Variants in GPC6 observed in about 807,000 individuals in gnomAD.
GPC6 encodes the protein glypican 6.
Under a neutral mutation model 55.2 loss-of-function variants are expected in GPC6, and 14 were observed. The ratio of observed to expected loss-of-function variants is 0.25; its 90% CI spans 0.17 to 0.40. The LOEUF (loss-of-function observed/expected upper bound fraction) is 0.40, where lower values mean the gene tolerates loss of function less well. Ranked by LOEUF, GPC6 falls within the 10% of genes least tolerant of loss-of-function variation. The pLI is 1.00. For synonymous variants in GPC6, 278 were observed against 259.6 expected (o/e 1.07, Z -0.68); for missense variants, 641 against 708.5 (o/e 0.90, Z 1.08).
intron 2 of GPC6, among the ~76,000 whole-genome samples, chr13:93,695,844 G>A (rs1369752070): frequency 6.6e-6 from 1 of 151,990 alleles, no homozygotes; most frequent in Non-Finnish European, 1.5e-5. Flanking sequence ...ATTATGCTCT[G>A]CAGGTTTTGA....
rs143804490 is a variant in GPC6 at position 94,234,305 on chromosome 13, T to TA, written c.878-52043dup. Among the ~76,000 whole-genome samples the TA allele has an allele frequency of 6.8e-3, 1,043 of 152,304 alleles. 17 individuals are homozygous for TA. The highest frequency in any genetic ancestry group is 0.024 in the African/African-American group (988 of 41,574). The stretch of plus-strand genomic sequence containing the variant: ...CTCAGAAGTATTCCATGTTTACAGG[T>TA]ATAACTAAATTCATTTTTATTGTAT... On this transcript the variant is annotated intron_variant, in intron 4 of 8. Transcript: ENST00000377047.
chr13:94,023,953 A>T (rs1272781479), intron 3 of GPC6, among the ~76,000 whole-genome samples: 1 of 152,092 alleles, frequency 6.6e-6, no homozygotes, highest in Non-Finnish European at 1.5e-5. Context: ...AAAATAGATT[A>T]GTGGTTGCCA....
chr13:93,575,801 A>G (rs1001944715), intron 2 of GPC6, among the ~76,000 whole-genome samples: 4 of 152,114 alleles, frequency 2.6e-5, no homozygotes, highest in African/African-American at 7.2e-5. Context: ...TTAAAAATCA[A>G]TCAGCTTAAT....
intron 1 of GPC6, among the ~76,000 whole-genome samples, chr13:93,402,597 G>A (rs770940306): frequency 4.9e-4 from 75 of 152,230 alleles, no homozygotes; most frequent in Admixed American, 1.5e-3. Flanking sequence ...TGTCCTTAGC[G>A]CTACACCGTA....
At chr13:94,010,689 T>A (rs1232254397) in intron 3 of GPC6, among the ~76,000 whole-genome samples, 2 of 152,212 alleles carry the variant, frequency 1.3e-5, no homozygotes, top group African/African-American at 2.4e-5. Flanking sequence ...TTATATTTTT[T>A]AGTTATCTGC....
intron 2 of GPC6, among the ~76,000 whole-genome samples, chr13:93,651,188 T>A (rs1880392723): frequency 6.6e-6 from 1 of 152,186 alleles, no homozygotes; most frequent in South Asian, 2.1e-4. Flanking sequence ...TTATTAAAAT[T>A]GTTATTAAAA....
rs77570835 is a variant in GPC6 at position 93,438,650 on chromosome 13, A to T, written c.161-106613A>T. Reference sequence around the variant, plus strand: ...GGAGTTGCTTCTTAAGGATAAGTGAAGAAAACAGTTTCTTGAGATGGAATC... The same window carrying T: ...GGAGTTGCTTCTTAAGGATAAGTGATGAAAACAGTTTCTTGAGATGGAATC... On this transcript the variant is annotated intron_variant, in intron 1 of 8. Transcript: ENST00000377047. Among the ~76,000 whole-genome samples, 42 of 152,330 alleles carry T rather than the reference A, an allele frequency of 2.8e-4. No homozygotes were observed. In the East Asian group the frequency reaches 7.9e-3, roughly 29 times the overall value.
chr13:93,236,497 G>A (rs1223049897), intron 1 of GPC6, among the ~76,000 whole-genome samples: 1 of 152,142 alleles, frequency 6.6e-6, no homozygotes, highest in Non-Finnish European at 1.5e-5. Context: ...TACAGCAGGA[G>A]GTAACAGTAG....
At chr13:93,740,394 C>CAAGT (rs967975739) in intron 2 of GPC6, among the ~76,000 whole-genome samples, 1 of 152,058 alleles carries the variant, frequency 6.6e-6, no homozygotes, top group African/African-American at 2.4e-5. Flanking sequence ...ATTCCATGGA[C>CAAGT]AAGTGTTTTC....
At chr13:93,822,510 A>T (rs1456783310) in intron 2 of GPC6, among the ~76,000 whole-genome samples, 1 of 152,182 alleles carries the variant, frequency 6.6e-6, no homozygotes, top group Non-Finnish European at 1.5e-5. Flanking sequence ...CGTTTGTTAC[A>T]TAGGTATACA....
rs1157412417 is a variant in GPC6 at position 93,489,402 on chromosome 13, T to C, written c.161-55861T>C. ...TGTAGTATAGTTTAAAGACAGGTAG[T>C]GTGATGCCTCCAGCTTTGTTCTTTT... On this transcript the variant is annotated intron_variant, in intron 1 of 8. Transcript: ENST00000377047. Among the ~76,000 whole-genome samples the C allele has an allele frequency of 2.0e-5, 3 of 151,414 alleles. No individual in the cohort carries two copies. In the South Asian group the frequency reaches 6.3e-4, roughly 32 times the overall value.
At chr13:93,665,329 A>C (rs539554741) in intron 2 of GPC6, among the ~76,000 whole-genome samples, 1 of 152,328 alleles carries the variant, frequency 6.6e-6, no homozygotes, top group South Asian at 2.1e-4. Context: ...TAAATGTAAA[A>C]ATCAATTTGC....
chr13:93,302,828 C>G (rs1878728396), intron 1 of GPC6, among the ~76,000 whole-genome samples: 2 of 152,122 alleles, frequency 1.3e-5, no homozygotes, highest in South Asian at 4.2e-4. Context: ...CTTTGCCATC[C>G]CATAAATTTT....
chr13:93,335,045 T>G (rs941012414), intron 1 of GPC6, among the ~76,000 whole-genome samples: 1 of 152,204 alleles, frequency 6.6e-6, no homozygotes, highest in African/African-American at 2.4e-5. Flanking sequence ...CACAGGGCAA[T>G]GTTTCTTCCA....
intron 2 of GPC6, among the ~76,000 whole-genome samples, chr13:93,663,978 C>T (rs1594353393): frequency 6.6e-6 from 1 of 152,140 alleles, no homozygotes; most frequent in East Asian, 1.9e-4. Flanking sequence ...TGGTCTTTTT[C>T]CAGATCTGTG....
Position 94,262,591 on chromosome 13 carries a change from T to C in GPC6, c.878-23758T>C, listed in dbSNP as rs1337239635. Among the ~76,000 whole-genome samples, 3 of 151,266 alleles carry C rather than the reference T, an allele frequency of 2.0e-5. No individual in the cohort carries two copies. The South Asian group carries it at 6.2e-4, about 31-fold the overall frequency. ...GGGAGGCTGAGGCAGGAGAATCACTTGTACCCGGGAAGCAAAGATTGCAGT... is the reference window on the plus strand; with the variant it reads ...GGGAGGCTGAGGCAGGAGAATCACTCGTACCCGGGAAGCAAAGATTGCAGT... On this transcript the variant is annotated intron_variant, in intron 4 of 8. Coordinates refer to ENST00000377047, the MANE Select transcript of GPC6 (RefSeq NM_005708.5).
chr13:93,753,282 TAAC>T (rs1450691863), intron 2 of GPC6, among the ~76,000 whole-genome samples: 1 of 152,196 alleles, frequency 6.6e-6, no homozygotes, highest in Non-Finnish European at 1.5e-5. Flanking sequence ...CTAACACAAC[TAAC>T]AACACTGTCA....
chr13:93,251,278 G>C (rs1030159530), intron 1 of GPC6, among the ~76,000 whole-genome samples: 1 of 152,096 alleles, frequency 6.6e-6, no homozygotes, highest in Non-Finnish European at 1.5e-5. Context: ...TTCTCTTTCT[G>C]ACTGGAATTC....
In GPC6 at chr13:93,387,008, C is replaced by A. The variant is rs564229601; in HGVS notation, c.161-158255C>A. On this transcript the variant is annotated intron_variant, in intron 1 of 8. Transcript: ENST00000377047. ...AATTCAGCACGATCTCAACTAAATC[C>A]GTAATTACATCTACAAAGACCCTAT... is the stretch of plus-strand genomic sequence containing the variant. 7.2e-5 allele frequency among the ~76,000 whole-genome samples: 11 copies of A among 152,190 alleles called. No individual in the cohort carries two copies. In the South Asian group the frequency reaches 2.3e-3, roughly 32 times the overall value.
Sources: gnomAD v4.1 joint callset for allele counts (sites outside exome capture counted in the v4.1 genomes callset) on GRCh38, gnomAD v4.1.1 for gene constraint, MANE v1.5 for transcripts, NCBI Gene and HGNC (gene_info 2026-07-23, HGNC 2026-07-21) for gene names.